ESYT2: variants seen among roughly 807,000 people sequenced by gnomAD.
ESYT2 encodes extended synaptotagmin-2.
A neutral mutation model predicts 107.2 loss-of-function variants in ESYT2; 54 were observed. The observed-to-expected ratio is 0.50, with a 90% CI of 0.40 to 0.63. The LOEUF is 0.63. Among genes scored for constraint, ESYT2 ranks in the 30% least tolerant of loss-of-function variants. The pLI is 0.00. For missense variants in ESYT2, 1,020 were observed against 1,094.5 expected, an observed-to-expected ratio of 0.93 and a Z score of 0.96; for synonymous variants, 491 against 434.1, an observed-to-expected ratio of 1.13 and a Z score of -1.63.
At chr7:158,768,343 T>A (rs1014396747) in intron 7 of ESYT2, among the ~76,000 whole-genome samples, 1 of 152,216 alleles carries the variant, frequency 6.6e-6, no homozygotes, top group African/African-American at 2.4e-5. Flanking sequence ...ATTGGACACA[T>A]TAATAATTTT....
intron 5 of ESYT2, 46 bp from the exon 6 acceptor site, chr7:158,788,139 C>T: frequency 6.6e-7 from 1 of 1,512,772 alleles, no homozygotes. Context: ...AAACATTCTG[C>T]AGGGCCGCTT....
intron 1 of ESYT2, among the ~76,000 whole-genome samples, chr7:158,817,965 T>C (rs1364879396): frequency 6.6e-6 from 1 of 152,180 alleles, no homozygotes; most frequent in Non-Finnish European, 1.5e-5. Context: ...TTCTCCCAAA[T>C]CACTGGATTT....
At chr7:158,757,921 T>A (rs369300837) in intron 13 of ESYT2, among the ~76,000 whole-genome samples, 83 of 152,324 alleles carry the variant, frequency 5.4e-4, no homozygotes, top group African/African-American at 1.9e-3. Context: ...CCATCAGGCA[T>A]TATGGAAGCC....
At chr7:158,819,140 G>A (rs1167552558) in intron 1 of ESYT2, among the ~76,000 whole-genome samples, 1 of 152,240 alleles carries the variant, frequency 6.6e-6, no homozygotes, top group Non-Finnish European at 1.5e-5. Context: ...ATTATGGAGG[G>A]AATGCTTTCT....
At chr7:158,778,714 C>A (rs538745714) in intron 6 of ESYT2, among the ~76,000 whole-genome samples, 55 of 152,278 alleles carry the variant, frequency 3.6e-4, no homozygotes, top group African/African-American at 1.3e-3. Context: ...GGATGCAATG[C>A]TCTTCCTCAC....
At chr7:158,756,348 C>A (rs1000470494) in intron 13 of ESYT2, among the ~76,000 whole-genome samples, 1 of 152,182 alleles carries the variant, frequency 6.6e-6, no homozygotes, top group African/African-American at 2.4e-5. Context: ...AGACGGGCAA[C>A]ATATGATGAG....
chr7:158,825,454 G>A (rs1233036517), intron 1 of ESYT2, among the ~76,000 whole-genome samples: 1 of 152,104 alleles, frequency 6.6e-6, no homozygotes, highest in African/African-American at 2.4e-5. Context: ...CTAAGCAGTT[G>A]GAACATAACT....
intron 1 of ESYT2, among the ~76,000 whole-genome samples, chr7:158,800,587 A>C (rs1005521125): frequency 6.6e-6 from 1 of 151,956 alleles, no homozygotes; most frequent in Non-Finnish European, 1.5e-5. Context: ...ACAGGATCTC[A>C]CTATGTTGTC....
intron 1 of ESYT2, among the ~76,000 whole-genome samples, chr7:158,808,711 T>A (rs917788821): frequency 6.6e-6 from 1 of 151,942 alleles, no homozygotes; most frequent in Non-Finnish European, 1.5e-5. Context: ...GGACTTTGCC[T>A]GTAATCCCAG....
At chr7:158,744,924 A>C (rs561089440) in intron 16 of ESYT2, among the ~76,000 whole-genome samples, 1 of 152,342 alleles carries the variant, frequency 6.6e-6, no homozygotes, top group East Asian at 1.9e-4. Context: ...TGGAACTTTA[A>C]AAATTATTTT....
chr7:158,824,166 C>T (rs1196925315), intron 1 of ESYT2, among the ~76,000 whole-genome samples: 2 of 152,278 alleles, frequency 1.3e-5, no homozygotes, highest in African/African-American at 4.8e-5. Context: ...CAACAACGGT[C>T]ACATCCTTTC....
intron 18 of ESYT2, among the ~76,000 whole-genome samples, chr7:158,739,926 C>A (rs1837134513): frequency 1.1e-5 from 1 of 90,370 alleles, no homozygotes; most frequent in African/African-American, 5.7e-5. Context: ...CCATGCCAGG[C>A]AAGGGTAAGC....
intron 3 of ESYT2, among the ~76,000 whole-genome samples, chr7:158,797,540 GA>G (rs967578346): frequency 3.4e-5 from 5 of 148,120 alleles, no homozygotes; most frequent in African/African-American, 5.0e-5. Flanking sequence ...GGCCCCGTCT[GA>G]AAAAAAAAAA....
At chr7:158,782,071 G>A (rs1309694040) in intron 6 of ESYT2, among the ~76,000 whole-genome samples, 1 of 121,046 alleles carries the variant, frequency 8.3e-6, no homozygotes, top group Non-Finnish European at 1.7e-5. Flanking sequence ...GTGAAGTGTG[G>A]TGTATGTAAG....
At chr7:158,813,237 A>T (rs1302580580) in intron 1 of ESYT2, among the ~76,000 whole-genome samples, 2 of 152,252 alleles carry the variant, frequency 1.3e-5, no homozygotes, top group African/African-American at 4.8e-5. Context: ...ACTATGTAAA[A>T]AGATCAGTAA....
At chr7:158,749,568 C>T in intron 15 of ESYT2, 81 bp downstream of exon 15, 1 of 1,355,296 alleles carries the variant, frequency 7.4e-7, no homozygotes, top group East Asian at 2.4e-5. Flanking sequence ...TATTTGCAAC[C>T]CGGCATCCCC....
chr7:158,743,685 A>AAC lies in ESYT2; in HGVS notation c.1645-9_1645-8dup. ...GGTGCTGCTCGTCTCTGACCTGCAA[A>AAC]ACACAGGGTGGAAACACTGGCATAA... On this transcript the variant is annotated splice_polypyrimidine_tract_variant and splice_region_variant and intron_variant, in intron 16 of 22. Transcript: ENST00000275418. 2 of 1,602,272 alleles carry AAC rather than the reference A, an allele frequency of 1.2e-6. No individual in the cohort carries two copies. Among genetic ancestry groups the AAC allele is most frequent in the Non-Finnish European group, 8.5e-7 (1 of 1,175,356 alleles).
intron 13 of ESYT2, among the ~76,000 whole-genome samples, chr7:158,759,001 C>T (rs1408047356): frequency 3.9e-5 from 6 of 152,188 alleles, no homozygotes. Context: ...CTGCGAGAAA[C>T]ATCCCAGGCA....
At chr7:158,737,207 G>A (rs1199377370) in intron 19 of ESYT2, 28 bp from the exon 20 acceptor site, 1 of 1,600,988 alleles carries the variant, frequency 6.2e-7, no homozygotes, top group South Asian at 1.1e-5. Context: ...ATAAGACGAG[G>A]TATTAGGACC....
Sources: gnomAD v4.1 joint callset for allele counts (sites outside exome capture counted in the v4.1 genomes callset) on GRCh38, gnomAD v4.1.1 for gene constraint, MANE v1.5 for transcripts, NCBI Gene and HGNC (gene_info 2026-07-23, HGNC 2026-07-21) for gene names.